Variants in MAP2K4 observed in about 807,000 individuals in gnomAD.
The protein encoded by MAP2K4 is mitogen-activated protein kinase kinase 4.
MAP2K4 carries 4 observed loss-of-function variants against 48.5 expected under a neutral mutation model. The ratio of observed to expected loss-of-function variants is 0.08; its 90% CI spans 0.04 to 0.19. The LOEUF (loss-of-function observed/expected upper bound fraction) is 0.19. Ranked by LOEUF, MAP2K4 falls within the 10% of genes least tolerant of loss-of-function variation. The pLI is 1.00. For missense variants in MAP2K4, 258 were observed against 493.3 expected, an observed-to-expected ratio of 0.52 and a Z score of 4.52; for synonymous variants, 166 against 173.1, an observed-to-expected ratio of 0.96 and a Z score of 0.32.
intron 2 of MAP2K4, among the ~76,000 whole-genome samples, chr17:12,075,532 G>A (rs981617683): frequency 2.6e-5 from 4 of 152,168 alleles, no homozygotes; most frequent in South Asian, 2.1e-4. Context: ...TAGAAGCAGC[G>A]ATAACAAAAC....
At chr17:12,082,630 C>T (rs571669915) in intron 3 of MAP2K4, among the ~76,000 whole-genome samples, 21 of 152,268 alleles carry the variant, frequency 1.4e-4, no homozygotes, top group African/African-American at 5.1e-4. Flanking sequence ...TTTTAGTATC[C>T]TTCACTGTTG....
At chr17:12,106,900 C>T (rs1322145478) in intron 4 of MAP2K4, among the ~76,000 whole-genome samples, 1 of 151,554 alleles carries the variant, frequency 6.6e-6, no homozygotes, top group African/African-American at 2.4e-5. Context: ...TTGTTGTATT[C>T]CCTTTTGTGA....
At chr17:12,088,443 A>AT (rs1471467035) in intron 3 of MAP2K4, among the ~76,000 whole-genome samples, 22 of 9,616 alleles carry the variant, frequency 2.3e-3, no homozygotes, top group Non-Finnish European at 9.9e-3. Flanking sequence ...TATTACATAT[A>AT]ATATATATTA....
chr17:12,109,184 G>A (rs181889748), intron 5 of MAP2K4, among the ~76,000 whole-genome samples: 53 of 152,046 alleles, frequency 3.5e-4, no homozygotes, highest in African/African-American at 1.3e-3. Context: ...CTAAATCCAG[G>A]CAGCCTGATC....
At chr17:12,039,129 C>T (rs1969696122) in intron 1 of MAP2K4, among the ~76,000 whole-genome samples, 1 of 152,294 alleles carries the variant, frequency 6.6e-6, no homozygotes, top group Non-Finnish European at 1.5e-5. Context: ...CTAAAACTCT[C>T]CTGGCCTAGA....
chr17:12,086,634 A>C (rs940012762), intron 3 of MAP2K4, among the ~76,000 whole-genome samples: 43 of 152,166 alleles, frequency 2.8e-4, no homozygotes, highest in African/African-American at 9.7e-4. Flanking sequence ...ACCAGCTCTG[A>C]GGAATTAATA....
At position 12,113,216 on chromosome 17, in the gene MAP2K4, A is replaced by T; in HGVS notation, c.686-17A>T. The T allele has an allele frequency of 6.2e-7, 1 of 1,611,030 alleles. No homozygotes were observed. Among genetic ancestry groups the T allele is most frequent in the Non-Finnish European group, 8.5e-7 (1 of 1,178,376 alleles). ...GAAGAAGCTAATTGTATACTGAATG[A>T]TATCTATGTCTTGCAGATATCAAAC... On this transcript the variant is annotated splice_polypyrimidine_tract_variant and intron_variant, in intron 6 of 10. Coordinates refer to ENST00000353533, the MANE Select transcript of MAP2K4 (RefSeq NM_003010.4).
chr17:12,047,654 A>G (rs1423505866), intron 1 of MAP2K4, among the ~76,000 whole-genome samples: 1 of 152,208 alleles, frequency 6.6e-6, no homozygotes, highest in Non-Finnish European at 1.5e-5. Flanking sequence ...CTTTGTTGCT[A>G]ATATATTTTG....
At chr17:12,073,407 A>G (rs906478932) in intron 2 of MAP2K4, among the ~76,000 whole-genome samples, 9 of 152,196 alleles carry the variant, frequency 5.9e-5, no homozygotes, top group African/African-American at 1.7e-4. Flanking sequence ...TATTGCTGTT[A>G]TCAGTCCAGA....
intron 2 of MAP2K4, among the ~76,000 whole-genome samples, chr17:12,072,139 T>A (rs1567644965): frequency 6.6e-6 from 1 of 152,310 alleles, no homozygotes; most frequent in South Asian, 2.1e-4. Context: ...TTCATGGAGA[T>A]GATCATAGAA....
At chr17:12,123,641 T>C (rs1218938980) in intron 7 of MAP2K4, among the ~76,000 whole-genome samples, 1 of 152,190 alleles carries the variant, frequency 6.6e-6, no homozygotes, top group East Asian at 1.9e-4. Flanking sequence ...ATTTGAGATG[T>C]CTTCTCTTCT....
intron 7 of MAP2K4, among the ~76,000 whole-genome samples, chr17:12,118,131 C>A (rs1972561501): frequency 6.6e-6 from 1 of 152,196 alleles, no homozygotes; most frequent in Non-Finnish European, 1.5e-5. Context: ...GATAAAGCAT[C>A]TGCTGATCAT....
intron 1 of MAP2K4, among the ~76,000 whole-genome samples, chr17:12,028,447 A>G (rs1969328648): frequency 6.6e-6 from 1 of 152,230 alleles, no homozygotes. Flanking sequence ...ATCTTGGGGA[A>G]CTTGCTCTGA....
At chr17:12,072,749 A>G (rs1008212979) in intron 2 of MAP2K4, among the ~76,000 whole-genome samples, 4 of 152,220 alleles carry the variant, frequency 2.6e-5, no homozygotes, top group Non-Finnish European at 5.9e-5. Flanking sequence ...GTTATGTAAA[A>G]TACACATGTT....
At chr17:12,045,225 A>G (rs1969925891) in intron 1 of MAP2K4, among the ~76,000 whole-genome samples, 2 of 152,114 alleles carry the variant, frequency 1.3e-5, no homozygotes, top group Non-Finnish European at 2.9e-5. Context: ...GTTTGGAAGC[A>G]CTGATTGAAA....
At chr17:12,099,709 AAG>A (rs1368826300) in intron 4 of MAP2K4, among the ~76,000 whole-genome samples, 1 of 152,192 alleles carries the variant, frequency 6.6e-6, no homozygotes, top group African/African-American at 2.4e-5. Context: ...AGGTGGAAAA[AAG>A]AGCTTGATAA....
chr17:12,126,308 A>G (rs1187385444), intron 8 of MAP2K4, among the ~76,000 whole-genome samples: 4 of 152,244 alleles, frequency 2.6e-5, no homozygotes, highest in African/African-American at 7.2e-5. Flanking sequence ...GCAATTATAT[A>G]AACTCTTCTT....
intron 3 of MAP2K4, among the ~76,000 whole-genome samples, chr17:12,082,170 A>C (rs1366723962): frequency 6.6e-6 from 1 of 151,268 alleles, no homozygotes; most frequent in African/African-American, 2.4e-5. Context: ...AGAAACAGAG[A>C]TTTGATCCAT....
chr17:12,076,875 A>G (rs200478064), intron 2 of MAP2K4, among the ~76,000 whole-genome samples: 1 of 134,944 alleles, frequency 7.4e-6, no homozygotes. Context: ...GTGTGTGTGT[A>G]TTTTTTGTGT....
Sources: allele counts gnomAD v4.1 joint callset (sites outside exome capture counted in the v4.1 genomes callset), GRCh38; gene constraint gnomAD v4.1.1; transcripts MANE v1.5; gene names NCBI Gene and HGNC (gene_info 2026-07-23, HGNC 2026-07-21).